Variants in ANK2 observed in about 807,000 individuals in gnomAD.
ANK2 encodes the protein ankyrin 2, also known as ankyrin-2.
In ANK2, 83 loss-of-function variants were observed where a neutral mutation model predicts 360.5. The observed-to-expected ratio is 0.23, with a 90% CI of 0.19 to 0.28. The LOEUF (loss-of-function observed/expected upper bound fraction) is 0.28. Among genes scored for constraint, ANK2 ranks in the 10% least tolerant of loss-of-function variants. The pLI, the probability that ANK2 is intolerant of heterozygous loss-of-function variation, is 1.00. For synonymous variants in ANK2, 1,740 were observed against 1,759.5 expected (o/e 0.99, Z 0.28); for missense variants, 4,201 against 4,795.7 (o/e 0.88, Z 3.66).
At chr4:113,323,258 A>C (rs1028729084) in intron 26 of ANK2, among the ~76,000 whole-genome samples, 3 of 152,114 alleles carry the variant, frequency 2.0e-5, no homozygotes, top group Non-Finnish European at 4.4e-5. Flanking sequence ...GGTAATTGAT[A>C]TTACCTACCC....
intron 35 of ANK2, 44 bp downstream of exon 35, chr4:113,346,066 T>A: frequency 3.1e-6 from 5 of 1,609,480 alleles, no homozygotes; most frequent in Non-Finnish European, 4.2e-6. Context: ...AGAGTAGGAA[T>A]TGATTTTTAA....
At position 112,856,249 on chromosome 4, in the gene ANK2, G is replaced by A. The variant is rs149479715; in HGVS notation, c.-40+37985G>A. ...TACAGCAATTTATTGCAAAGCAAAAGTACACGCTTGAGGAAGGGGAATGCA... is the reference window on the plus strand; with the variant it reads ...TACAGCAATTTATTGCAAAGCAAAAATACACGCTTGAGGAAGGGGAATGCA... On this transcript the variant is annotated intron_variant, in intron 1 of 30. Transcript: ENST00000503271. 4.9e-3 allele frequency among the ~76,000 whole-genome samples: 753 copies of A among 152,272 alleles called. 2 individuals are homozygous for A. Among genetic ancestry groups the A allele is most frequent in the Non-Finnish European group, 7.4e-3 (502 of 68,018 alleles).
In ANK2 at chr4:113,356,086, C is replaced by T; in HGVS notation, c.7468C>T (p.Pro2490Ser). 3 of 1,614,138 alleles carry T rather than the reference C, an allele frequency of 1.9e-6. No homozygotes were observed. The highest frequency in any genetic ancestry group is 1.1e-5 in the South Asian group (1 of 91,078). Residue 2490 changes from proline (P) to serine (S), a missense_variant, in exon 38 of 46, where the codon CCT becomes TCT. Pro to Ser is a moderately conservative substitution (Grantham distance 74). Coordinates refer to ENST00000357077, the MANE Select transcript of ANK2 (RefSeq NM_001148.6). ...AATTTTTCCAAGTCACTTTCCTCTT[C>T]CTGCAGCTGTTGCCAAAACAGAACT... ...AGIFPSHFPLPAAVAKTELLT... is the reference protein window; with the variant it reads ...AGIFPSHFPLSAAVAKTELLT...
In ANK2 at chr4:113,355,587, A is replaced by G; in HGVS notation, c.6969A>G (p.Arg2323=). The change falls in exon 38 of 46, where the codon AGA becomes AGG. Residue 2323 remains arginine, a synonymous_variant. Transcript: ENST00000357077. Reference sequence around the variant, plus strand: ...CTCCCAAAGACACAAGCCCTAAAAGACAAGATGATTGCACAGGCAGCTGTA... The same window carrying G: ...CTCCCAAAGACACAAGCCCTAAAAGGCAAGATGATTGCACAGGCAGCTGTA... ...LGSPKDTSPK[R]QDDCTGSCSV... 6.2e-7 allele frequency: 1 copy of G among 1,614,124 alleles called. No homozygotes were observed. The highest frequency in any genetic ancestry group is 8.5e-7 in the Non-Finnish European group (1 of 1,179,976).
chr4:113,058,757 G>A (rs944508589), intron 1 of ANK2, among the ~76,000 whole-genome samples: 1 of 152,124 alleles, frequency 6.6e-6, no homozygotes, highest in Non-Finnish European at 1.5e-5. Context: ...ATTAGAATAA[G>A]TATAGATACT....
At chr4:112,883,018 CTTTTTTTTTTTTTTTTTTTTTT>C (rs536262490) in intron 1 of ANK2, among the ~76,000 whole-genome samples, 37 of 30,526 alleles carry the variant, frequency 1.2e-3, no homozygotes, top group South Asian at 2.7e-3. Context: ...CTTGGTTAGT[CTTTTTTTTTTTTTTTTTTTTTT>C]TTTTTTTTTT....
chr4:113,117,299 G>T (rs184123576), intron 1 of ANK2: 2 of 456,086 alleles, frequency 4.4e-6, no homozygotes, highest in Admixed American at 4.7e-5. Flanking sequence ...AATGGCTCAC[G>T]CTGCTGCTTC....
intron 15 of ANK2, among the ~76,000 whole-genome samples, chr4:113,276,914 G>A (rs2060453214): frequency 6.6e-6 from 1 of 152,148 alleles, no homozygotes; most frequent in African/African-American, 2.4e-5. Flanking sequence ...ATCGGTGTTA[G>A]AATTCCCCCA....
chr4:113,130,119 C>A (rs2095917609), intron 1 of ANK2, among the ~76,000 whole-genome samples: 1 of 152,148 alleles, frequency 6.6e-6, no homozygotes, highest in East Asian at 1.9e-4. Flanking sequence ...CCACTTTGAA[C>A]TAGGGTTCAG....
At chr4:113,268,590 G>T (rs1237693766) in intron 14 of ANK2, among the ~76,000 whole-genome samples, 1 of 152,192 alleles carries the variant, frequency 6.6e-6, no homozygotes, top group East Asian at 1.9e-4. Context: ...GCATCCCAGG[G>T]ATGAAGCTGA....
At chr4:113,157,075 G>T (rs563886752) in intron 1 of ANK2, among the ~76,000 whole-genome samples, 45 of 151,936 alleles carry the variant, frequency 3.0e-4, no homozygotes, top group Admixed American at 1.2e-3. Context: ...ATAACCTAAA[G>T]GTTTTTTTTT....
chr4:112,992,958 T>C (rs1467457484), intron 2 of ANK2, among the ~76,000 whole-genome samples: 1 of 152,164 alleles, frequency 6.6e-6, no homozygotes, highest in Non-Finnish European at 1.5e-5. Context: ...GTTGGCCCTT[T>C]TCCTGATACC....
intron 1 of ANK2, among the ~76,000 whole-genome samples, chr4:112,865,092 T>C (rs1395132817): frequency 7.1e-6 from 1 of 141,492 alleles, no homozygotes; most frequent in Non-Finnish European, 1.5e-5. Flanking sequence ...CAGAGATTCA[T>C]TGGTCTTAGA....
At chr4:112,936,547 T>C (rs6845832) in intron 2 of ANK2, among the ~76,000 whole-genome samples, 55,379 of 151,952 alleles carry the variant, frequency 0.36, 12,421 homozygotes, top group East Asian at 0.66. Flanking sequence ...GGTTTTACCA[T>C]GTGGATCAGG....
intron 2 of ANK2, among the ~76,000 whole-genome samples, chr4:112,974,070 A>C (rs1365804534): frequency 1.3e-5 from 2 of 152,326 alleles, no homozygotes; most frequent in East Asian, 3.9e-4. Context: ...TTTGAAAAAC[A>C]ATTTAAATTA....
chr4:113,320,512 C>T (rs1554492604), intron 26 of ANK2, among the ~76,000 whole-genome samples: 2 of 151,928 alleles, frequency 1.3e-5, no homozygotes, highest in Non-Finnish European at 2.9e-5. Context: ...ATTAGCCGGG[C>T]GTGGTGGTGG....
chr4:112,819,895 T>A (rs556242655), intron 1 of ANK2, among the ~76,000 whole-genome samples: 1 of 152,330 alleles, frequency 6.6e-6, no homozygotes, highest in East Asian at 1.9e-4. Context: ...GTCTTCCTGA[T>A]CTGGCCCTCC....
intron 2 of ANK2, among the ~76,000 whole-genome samples, chr4:112,999,693 G>T (rs1286044684): frequency 6.6e-6 from 1 of 151,512 alleles, no homozygotes; most frequent in Non-Finnish European, 1.5e-5. Context: ...ACCCAAAGAG[G>T]CCCATATTCT....
chr4:113,381,409 CT>C (rs766068162), intron 45 of ANK2, 47 bp from the exon 46 acceptor site: 1 of 1,609,178 alleles, frequency 6.2e-7, no homozygotes, highest in Non-Finnish European at 8.5e-7. Context: ...AACAGCTGCC[CT>C]CTGGCAGTGA....
Sources: allele counts gnomAD v4.1 joint callset (sites outside exome capture counted in the v4.1 genomes callset), GRCh38; gene constraint gnomAD v4.1.1; transcripts MANE v1.5; gene names NCBI Gene and HGNC (gene_info 2026-07-23, HGNC 2026-07-21).